The following TMPRSS4 variants were observed in gnomAD, a reference collection of about 807,000 sequenced individuals.
The protein encoded by TMPRSS4 is transmembrane serine protease 4.
Under a neutral mutation model 56.4 loss-of-function variants are expected in TMPRSS4, and 45 were observed. That is an observed-to-expected ratio of 0.80 (90% CI 0.63 to 1.02). The LOEUF is 1.02. Among genes scored for constraint, TMPRSS4 ranks in the 50% least tolerant of loss-of-function variants. The pLI, the probability that TMPRSS4 is intolerant of heterozygous loss-of-function variation, is 0.00. For synonymous variants in TMPRSS4, 205 were observed against 211.0 expected (o/e 0.97, Z 0.25); for missense variants, 546 against 556.7 (o/e 0.98, Z 0.19).
In TMPRSS4 at chr11:118,077,122, A is replaced by C. The variant is rs892739509; in HGVS notation, c.-181A>C. ...AGAGGCAGCAGCTTGCTCAGCGGAC[A>C]AGGATGCTGGGCGTGAGGGACCAAG... is the stretch of plus-strand genomic sequence containing the variant. On this transcript the variant is annotated 5_prime_UTR_variant, in exon 1 of 13. Transcript: ENST00000437212. The C allele has an allele frequency of 1.5e-5, 9 of 598,368 alleles. No homozygotes were observed. The African/African-American group carries it at 1.7e-4, about 12-fold the overall frequency. The allele number at this position is 598,368 out of a possible 1,614,324, so 37.1% of individuals were successfully genotyped here.
rs1296928142 is a variant in TMPRSS4, at chr11:118,104,744, A to G, written c.364A>G (p.Asn122Asp). Reference protein sequence around the residue: ...TLQVLDSATGNWFSACFDNFT... With the variant: ...TLQVLDSATGDWFSACFDNFT... The stretch of plus-strand genomic sequence containing the variant: ...GCAGGTGCTGGACTCGGCCACAGGG[A>G]ACTGGTTCTCTGCCTGTTTCGACAA... Residue 122 changes from asparagine (N) to aspartate (D), a missense_variant, in exon 5 of 13, where the codon AAC becomes GAC. Transcript: ENST00000437212. 3.7e-6 allele frequency: 6 copies of G among 1,614,180 alleles called. No individual in the cohort carries two copies. Among genetic ancestry groups the G allele is most frequent in the Non-Finnish European group, 5.1e-6 (6 of 1,180,026 alleles).
intron 12 of TMPRSS4, 21 bp downstream of exon 12, chr11:118,117,475 C>T: frequency 2.5e-6 from 4 of 1,601,228 alleles, no homozygotes; most frequent in Non-Finnish European, 3.4e-6. Flanking sequence ...TTTGCCCTAC[C>T]CACTGTGCCT....
At chr11:118,111,542 G>A (rs889597565) in intron 7 of TMPRSS4, among the ~76,000 whole-genome samples, 199 bp from the exon 8 acceptor site, 6 of 152,168 alleles carry the variant, frequency 3.9e-5, no homozygotes, top group Non-Finnish European at 7.4e-5. Flanking sequence ...AAAGAAAAAG[G>A]AGAGGGAGGT....
intron 1 of TMPRSS4, among the ~76,000 whole-genome samples, chr11:118,082,364 C>T (rs1945200811): frequency 6.6e-6 from 1 of 152,014 alleles, no homozygotes; most frequent in South Asian, 2.1e-4. Flanking sequence ...AGTTCAAGAC[C>T]AGCCTGGCCA....
At position 118,112,824 on chromosome 11, in the gene TMPRSS4, CT is replaced by C. The variant is rs5795113; in HGVS notation, c.744-426del. On this transcript the variant is annotated intron_variant, in intron 8 of 12. Transcript: ENST00000437212. The stretch of plus-strand genomic sequence containing the variant: ...GATCTAGGCCAGCGTTTTTTAACCA[CT>C]TTTTTTTTTTTTTTTTTTGAGATTC... 7.1e-3 allele frequency among the ~76,000 whole-genome samples: 917 copies of C among 128,442 alleles called. 9 individuals are homozygous for C. Among genetic ancestry groups the C allele is most frequent in the African/African-American group, 0.021 (722 of 34,514 alleles). 84.3% of individuals were successfully genotyped at this position (128,442 alleles called of 152,430 possible).
chr11:118,123,521 T>C (rs561597710), downstream of TMPRSS4, among the ~76,000 whole-genome samples: 102 of 150,646 alleles, frequency 6.8e-4, 1 homozygote, highest in African/African-American at 2.2e-3. Context: ...TAATTACTGT[T>C]ATGTCTTTTT....
intron 1 of TMPRSS4, among the ~76,000 whole-genome samples, chr11:118,081,751 G>GCATTCATT (rs112018141): frequency 0.02 from 3,026 of 152,132 alleles, 104 homozygotes; most frequent in East Asian, 0.11. Context: ...AAATCTGTAT[G>GCATTCATT]CATTCATTCA....
At chr11:118,093,414 G>C (rs945871311) in intron 1 of TMPRSS4, among the ~76,000 whole-genome samples, 2 of 152,158 alleles carry the variant, frequency 1.3e-5, no homozygotes, top group African/African-American at 4.8e-5. Context: ...TCCCTGGGTG[G>C]AGACCTAGAC....
intron 5 of TMPRSS4, chr11:118,106,141 C>T (rs1482232218): frequency 2.0e-5 from 3 of 152,310 alleles, no homozygotes; most frequent in South Asian, 2.1e-4. Flanking sequence ...CTGCATCAGC[C>T]GTTCCTGGCA....
rs1334574790 is a variant in TMPRSS4 at position 118,120,838 on chromosome 11, G to A, written c.*2925G>A. 1 of 152,178 alleles carries A rather than the reference G, an allele frequency of 6.6e-6. No individual in the cohort carries two copies. Among genetic ancestry groups the A allele is most frequent in the Non-Finnish European group, 1.5e-5 (1 of 68,048 alleles). 9.4% of individuals were successfully genotyped at this position (152,178 alleles called of 1,614,324 possible). ...AGAGATAAGAGCTGAGAATGTTCCA[G>A]AATTGATAAAAGGTGTGAATCCACA... On this transcript the variant is annotated 3_prime_UTR_variant, in exon 13 of 13. Coordinates refer to ENST00000437212, the MANE Select transcript of TMPRSS4 (RefSeq NM_019894.4).
In TMPRSS4 at chr11:118,117,914, T is replaced by C. The variant is rs1947647231; in HGVS notation, c.*1T>C. 6.2e-7 allele frequency: 1 copy of C among 1,613,420 alleles called. No individual in the cohort carries two copies. The highest frequency in any genetic ancestry group is 8.5e-7 in the Non-Finnish European group (1 of 1,180,038). On this transcript the variant is annotated 3_prime_UTR_variant, in exon 13 of 13. Coordinates refer to ENST00000437212, the MANE Select transcript of TMPRSS4 (RefSeq NM_019894.4). Reference sequence around the variant, plus strand: ...TCTCTTATTCTAGGCTGAGCTGTAATGCTGCTGCCCCTTTGCAGTGCTGGG... The same window carrying C: ...TCTCTTATTCTAGGCTGAGCTGTAACGCTGCTGCCCCTTTGCAGTGCTGGG...
At chr11:118,124,615 T>C (rs924732752), downstream of TMPRSS4, among the ~76,000 whole-genome samples, 1 of 152,182 alleles carries the variant, frequency 6.6e-6, no homozygotes, top group African/African-American at 2.4e-5. Context: ...AAGGAGAAAT[T>C]GACAAATCCA....
chr11:118,117,762 C>T (rs1947639074), intron 12 of TMPRSS4, 140 bp from the exon 13 acceptor site: 2 of 1,553,384 alleles, frequency 1.3e-6, no homozygotes, highest in Non-Finnish European at 1.7e-6. Flanking sequence ...AGTGGAAAGG[C>T]TCATGAGACC....
chr11:118,122,328 T>G (rs1476525778), downstream of TMPRSS4, among the ~76,000 whole-genome samples: 2 of 151,850 alleles, frequency 1.3e-5, no homozygotes, highest in Non-Finnish European at 2.9e-5. Context: ...ACTGAAAAAG[T>G]GGAGAAAGGT....
At chr11:118,112,379 C>CTT (rs71469160) in intron 8 of TMPRSS4, among the ~76,000 whole-genome samples, 1,623 of 45,700 alleles carry the variant, frequency 0.036, 353 homozygotes, top group East Asian at 0.18. Flanking sequence ...ACCCCCTTCA[C>CTT]TTTTTTTTTT....
At chr11:118,098,094 T>C (rs1213595968) in intron 2 of TMPRSS4, among the ~76,000 whole-genome samples, 1 of 152,234 alleles carries the variant, frequency 6.6e-6, no homozygotes, top group Non-Finnish European at 1.5e-5. Flanking sequence ...AAAATTAATT[T>C]GATCCTGTCT....
At chr11:118,094,357 A>G (rs187291430) in intron 1 of TMPRSS4, among the ~76,000 whole-genome samples, 81 of 152,312 alleles carry the variant, frequency 5.3e-4, no homozygotes, top group Admixed American at 1.2e-3. Flanking sequence ...GAGAAATTTT[A>G]TTGTGGTTTG....
intron 3 of TMPRSS4, among the ~76,000 whole-genome samples, chr11:118,099,584 C>T (rs1270719764): frequency 3.9e-5 from 6 of 152,184 alleles, no homozygotes; most frequent in Non-Finnish European, 5.9e-5. Flanking sequence ...CTGTTCCAGA[C>T]GGCTTCTATC....
In TMPRSS4 at chr11:118,118,283, A is replaced by G; in HGVS notation, c.*370A>G. 3 of 1,157,856 alleles carry G rather than the reference A, an allele frequency of 2.6e-6. No individual in the cohort carries two copies. The highest frequency in any genetic ancestry group is 3.2e-6 in the Non-Finnish European group (3 of 937,934). The allele number at this position is 1,157,856 out of a possible 1,614,324, so 71.7% of individuals were successfully genotyped here. On this transcript the variant is annotated 3_prime_UTR_variant, in exon 13 of 13. Coordinates refer to ENST00000437212, the MANE Select transcript of TMPRSS4 (RefSeq NM_019894.4). ...ACTGTGGGCTGGAGAGGAGAAGGAA[A>G]GGGTCTGCGCCAGCCCTGTCCGTCT...
Sources: gnomAD v4.1 joint callset for allele counts (sites outside exome capture counted in the v4.1 genomes callset) on GRCh38, gnomAD v4.1.1 for gene constraint, MANE v1.5 for transcripts, NCBI Gene and HGNC (gene_info 2026-07-23, HGNC 2026-07-21) for gene names.